NELL2: variants seen among roughly 807,000 people sequenced by gnomAD.
NELL2 encodes protein kinase C-binding protein NELL2.
A neutral mutation model predicts 109.6 loss-of-function variants in NELL2; 41 were observed. That is an observed-to-expected ratio of 0.37 (90% CI 0.29 to 0.49). NELL2 has a LOEUF of 0.49. Ranked by LOEUF, NELL2 falls within the 20% of genes least tolerant of loss-of-function variation. NELL2 has a pLI of 0.98. For synonymous variants in NELL2, 355 were observed against 344.7 expected (o/e 1.03, Z -0.33); for missense variants, 900 against 1,008.3 (o/e 0.89, Z 1.45).
At chr12:44,679,969 A>G (rs1038261574) in intron 12 of NELL2, among the ~76,000 whole-genome samples, 6 of 152,164 alleles carry the variant, frequency 3.9e-5, no homozygotes, top group African/African-American at 1.4e-4. Flanking sequence ...GCTTGAAATT[A>G]AAGAACAGAC....
chr12:44,615,411 T>C (rs1397646366), intron 13 of NELL2, among the ~76,000 whole-genome samples: 1 of 152,128 alleles, frequency 6.6e-6, no homozygotes, highest in African/African-American at 2.4e-5. Context: ...TTGTTACATA[T>C]ATTATCTCAT....
chr12:44,525,344 G>A (rs1450534544), intron 16 of NELL2, among the ~76,000 whole-genome samples: 1 of 152,138 alleles, frequency 6.6e-6, no homozygotes, highest in African/African-American at 2.4e-5. Flanking sequence ...TAAAGAAATA[G>A]AGTAAAAAGT....
intron 2 of NELL2, among the ~76,000 whole-genome samples, chr12:44,833,634 A>G (rs374708047): frequency 6.6e-6 from 1 of 152,210 alleles, no homozygotes; most frequent in African/African-American, 2.4e-5. Context: ...AAGGCTTGGA[A>G]GACAAAACAA....
chr12:44,690,576 G>T (rs1207519378), intron 12 of NELL2, among the ~76,000 whole-genome samples: 2 of 150,954 alleles, frequency 1.3e-5, no homozygotes, highest in African/African-American at 4.9e-5. Context: ...TATAAAAACA[G>T]GATTACTTAT....
chr12:44,862,679 G>T (rs868143266), intron 2 of NELL2, among the ~76,000 whole-genome samples: 2 of 152,038 alleles, frequency 1.3e-5, no homozygotes, highest in Non-Finnish European at 2.9e-5. Context: ...GGGATTAATG[G>T]AAAGTTTAAA....
intron 1 of NELL2, among the ~76,000 whole-genome samples, chr12:44,898,270 C>T (rs117914346): frequency 0.02 from 3,099 of 152,270 alleles, 102 homozygotes; most frequent in East Asian, 0.17. Context: ...GACAGACGAC[C>T]TCCTCAAGTG....
chr12:44,646,987 G>T (rs1947119517), intron 13 of NELL2, among the ~76,000 whole-genome samples: 1 of 152,182 alleles, frequency 6.6e-6, no homozygotes, highest in Non-Finnish European at 1.5e-5. Context: ...AATAAAAAAT[G>T]CATATAAAGC....
intron 3 of NELL2, among the ~76,000 whole-genome samples, chr12:44,802,443 C>CATAT (rs143655222): frequency 6.6e-6 from 1 of 151,864 alleles, no homozygotes. Context: ...TCTAATATAT[C>CATAT]ATATATATAC....
At chr12:44,909,175 A>G (rs1371239063) in intron 1 of NELL2, among the ~76,000 whole-genome samples, 1 of 152,062 alleles carries the variant, frequency 6.6e-6, no homozygotes, top group Non-Finnish European at 1.5e-5. Flanking sequence ...CTATACCTAG[A>G]AAACTCCAAA....
At chr12:44,670,267 G>A (rs558861320) in intron 12 of NELL2, among the ~76,000 whole-genome samples, 1 of 152,112 alleles carries the variant, frequency 6.6e-6, no homozygotes, top group South Asian at 2.1e-4. Context: ...GAAAGTGAAA[G>A]AAAGATATCT....
chr12:44,830,989 G>T (rs1320484554), intron 2 of NELL2, among the ~76,000 whole-genome samples: 3 of 151,890 alleles, frequency 2.0e-5, no homozygotes, highest in Middle Eastern at 3.4e-3. Context: ...TTTAATCTGT[G>T]GGGGGACTGG....
intron 13 of NELL2, among the ~76,000 whole-genome samples, chr12:44,624,545 G>A (rs1225102446): frequency 6.6e-6 from 1 of 151,890 alleles, no homozygotes; most frequent in Non-Finnish European, 1.5e-5. Context: ...TGGCAAATAG[G>A]TGTTATTTAA....
rs569326934 is a variant in NELL2, at chr12:44,892,523, C to T, written c.39-16623G>A. On this transcript the variant is annotated intron_variant, in intron 1 of 20. Coordinates refer to the NELL2 transcript ENST00000333837. Reference sequence around the variant, plus strand: ...TACTGATGAAGAAACCAGGGCTGGGCGCAGTGGCTCATGCCTGTAATCCCA... The same window carrying T: ...TACTGATGAAGAAACCAGGGCTGGGTGCAGTGGCTCATGCCTGTAATCCCA... Among the ~76,000 whole-genome samples the T allele has an allele frequency of 2.3e-4, 35 of 152,166 alleles. No individual in the cohort carries two copies. The South Asian group carries it at 3.5e-3, about 15-fold the overall frequency.
chr12:44,814,798 T>G (rs12581873), intron 3 of NELL2, among the ~76,000 whole-genome samples: 10 of 152,098 alleles, frequency 6.6e-5, no homozygotes, highest in Non-Finnish European at 1.0e-4. Context: ...GTTCTCCACA[T>G]AGATTTTCTT....
At chr12:44,546,366 T>C (rs145357891) in intron 15 of NELL2, among the ~76,000 whole-genome samples, 37 of 152,306 alleles carry the variant, frequency 2.4e-4, no homozygotes, top group African/African-American at 8.2e-4. Context: ...ACAGACTGTC[T>C]ACTTTAAGTC....
chr12:44,666,445 C>T (rs1280451287), intron 12 of NELL2, among the ~76,000 whole-genome samples: 1 of 152,176 alleles, frequency 6.6e-6, no homozygotes, highest in African/African-American at 2.4e-5. Context: ...CAGAAGTCTG[C>T]ATTCTCATAT....
intron 13 of NELL2, among the ~76,000 whole-genome samples, chr12:44,625,055 G>T (rs1946203316): frequency 7.1e-6 from 1 of 140,790 alleles, no homozygotes; most frequent in African/African-American, 2.6e-5. Flanking sequence ...TGAATGTTGG[G>T]GAAAGTACAC....
intron 15 of NELL2, among the ~76,000 whole-genome samples, chr12:44,584,415 C>T (rs1161684913): frequency 1.3e-5 from 2 of 152,128 alleles, no homozygotes; most frequent in Non-Finnish European, 1.5e-5. Flanking sequence ...CAATTGGAGA[C>T]CTCTTGTTAC....
intron 2 of NELL2, among the ~76,000 whole-genome samples, chr12:44,843,214 A>G (rs973981494): frequency 1.4e-5 from 2 of 146,588 alleles, no homozygotes; most frequent in Non-Finnish European, 3.0e-5. Context: ...CTCAACAATT[A>G]AAAAAAAAAC....
Sources: gnomAD v4.1 joint callset for allele counts (sites outside exome capture counted in the v4.1 genomes callset) on GRCh38, gnomAD v4.1.1 for gene constraint, MANE v1.5 for transcripts, NCBI Gene and HGNC (gene_info 2026-07-23, HGNC 2026-07-21) for gene names.